SPOCK1: variants seen among roughly 807,000 people sequenced by gnomAD.
SPOCK1 encodes SPARC (osteonectin), cwcv and kazal like domains proteoglycan 1.
SPOCK1 carries 23 observed loss-of-function variants against 55.3 expected under a neutral mutation model. The ratio of observed to expected loss-of-function variants is 0.42; its 90% CI spans 0.30 to 0.59. The LOEUF is 0.59. Ranked by LOEUF, SPOCK1 falls within the 20% of genes least tolerant of loss-of-function variation. The pLI is 0.22. For missense variants in SPOCK1, 499 were observed against 552.5 expected (o/e 0.90, Z 0.97); for synonymous variants, 226 against 221.0 (o/e 1.02, Z -0.20).
chr5:137,333,835 A>G (rs1341236220), intron 2 of SPOCK1, among the ~76,000 whole-genome samples: 1 of 152,168 alleles, frequency 6.6e-6, no homozygotes, highest in Admixed American at 6.5e-5. Flanking sequence ...GAAGTGTGAG[A>G]TTTTTCCAAA....
intron 7 of SPOCK1, among the ~76,000 whole-genome samples, chr5:136,990,418 G>T (rs1750924801): frequency 6.8e-6 from 1 of 147,386 alleles, no homozygotes; most frequent in Admixed American, 6.7e-5. Flanking sequence ...GGAATATAGT[G>T]CTCAATTAAA....
intron 2 of SPOCK1, among the ~76,000 whole-genome samples, chr5:137,484,259 T>C (rs912956425): frequency 6.6e-6 from 1 of 152,210 alleles, no homozygotes; most frequent in East Asian, 1.9e-4. Context: ...GATTCATTAA[T>C]ATCCCCACAA....
intron 2 of SPOCK1, among the ~76,000 whole-genome samples, chr5:137,480,402 A>C (rs1024967483): frequency 1.3e-5 from 2 of 151,988 alleles, no homozygotes; most frequent in African/African-American, 2.4e-5. Flanking sequence ...GCCCCAAGAC[A>C]ATCAGTTCTA....
At chr5:137,234,523 C>T (rs192948518) in intron 3 of SPOCK1, among the ~76,000 whole-genome samples, 3 of 152,288 alleles carry the variant, frequency 2.0e-5, no homozygotes, top group Non-Finnish European at 4.4e-5. Context: ...CAGAGAAGAG[C>T]AGAAAGAAAC....
intron 2 of SPOCK1, among the ~76,000 whole-genome samples, chr5:137,466,015 A>G (rs1753613829): frequency 6.6e-6 from 1 of 152,262 alleles, no homozygotes; most frequent in Non-Finnish European, 1.5e-5. Flanking sequence ...TAAATGAGAT[A>G]AAATGGAACA....
At chr5:137,340,779 G>T (rs540596984) in intron 2 of SPOCK1, among the ~76,000 whole-genome samples, 18 of 152,198 alleles carry the variant, frequency 1.2e-4, no homozygotes, top group African/African-American at 3.9e-4. Flanking sequence ...TACTCAGGGG[G>T]CTGAGCCAGG....
At chr5:137,076,731 G>T (rs866206716) in intron 5 of SPOCK1, among the ~76,000 whole-genome samples, 1 of 151,900 alleles carries the variant, frequency 6.6e-6, no homozygotes, top group Admixed American at 6.5e-5. Flanking sequence ...GTAAGTCAGG[G>T]ACCATCTGTG....
chr5:137,070,843 G>A (rs1752598084), intron 5 of SPOCK1, among the ~76,000 whole-genome samples: 3 of 151,972 alleles, frequency 2.0e-5, no homozygotes, highest in Admixed American at 1.3e-4. Context: ...AGCCCTGGTG[G>A]CCATCTCTGC....
At chr5:136,979,018 C>T (rs1374598002) in intron 10 of SPOCK1, among the ~76,000 whole-genome samples, 174 bp from the exon 11 acceptor site, 42 of 152,120 alleles carry the variant, frequency 2.8e-4, no homozygotes, top group Admixed American at 2.6e-3. Flanking sequence ...ACTTTGTTCT[C>T]GTAAGAGCCC....
At chr5:137,207,016 A>C (rs1411849690) in intron 3 of SPOCK1, among the ~76,000 whole-genome samples, 1 of 152,238 alleles carries the variant, frequency 6.6e-6, no homozygotes, top group African/African-American at 2.4e-5. Context: ...AGAATATGAG[A>C]GTAAGGCATG....
intron 6 of SPOCK1, among the ~76,000 whole-genome samples, chr5:137,051,734 A>G (rs1561591596): frequency 1.3e-5 from 2 of 152,232 alleles, no homozygotes. Context: ...CTAAAAGGGA[A>G]ATCATAAAGG....
At chr5:136,998,363 T>C (rs1751087065) in intron 6 of SPOCK1, among the ~76,000 whole-genome samples, 1 of 152,216 alleles carries the variant, frequency 6.6e-6, no homozygotes, top group African/African-American at 2.4e-5. Context: ...TAAGGTACTA[T>C]GTAGTAGTTG....
chr5:137,212,074 G>A (rs981081), intron 3 of SPOCK1, among the ~76,000 whole-genome samples: 131,351 of 152,218 alleles, frequency 0.86, 56,765 homozygotes, highest in African/African-American at 0.91. Context: ...ACAGATCACA[G>A]CCTGGGGCTT....
Position 137,012,954 on chromosome 5 carries a change from A to G in SPOCK1, c.590-20354T>C, listed in dbSNP as rs542962759. ...TATTATGACATGGAAAATGTTTATG[A>G]TACATTAAGTGAAAAAAAGCAGCTT... On this transcript the variant is annotated intron_variant, in intron 6 of 10. Coordinates refer to ENST00000394945, the MANE Select transcript of SPOCK1 (RefSeq NM_004598.4). Among the ~76,000 whole-genome samples, 3 of 152,336 alleles carry G rather than the reference A, an allele frequency of 2.0e-5. No individual in the cohort carries two copies. In the East Asian group the frequency reaches 5.8e-4, roughly 29 times the overall value.
chr5:137,479,213 G>A (rs951191808), intron 2 of SPOCK1, among the ~76,000 whole-genome samples: 3 of 152,010 alleles, frequency 2.0e-5, no homozygotes, highest in East Asian at 1.9e-4. Flanking sequence ...CGTGACTAAC[G>A]GAACAGAGAA....
chr5:137,207,571 A>G (rs1460750193), intron 3 of SPOCK1, among the ~76,000 whole-genome samples: 1 of 152,132 alleles, frequency 6.6e-6, no homozygotes, highest in African/African-American at 2.4e-5. Flanking sequence ...GAGATGGTAA[A>G]TGGAGACACC....
intron 7 of SPOCK1, among the ~76,000 whole-genome samples, chr5:136,989,012 C>T (rs569385823): frequency 1.8e-4 from 27 of 152,122 alleles, no homozygotes; most frequent in African/African-American, 5.3e-4. Context: ...ACTATGCTTT[C>T]GTATTTCAAA....
intron 2 of SPOCK1, among the ~76,000 whole-genome samples, chr5:137,333,661 G>C (rs1376227206): frequency 6.6e-6 from 1 of 152,246 alleles, no homozygotes; most frequent in African/African-American, 2.4e-5. Flanking sequence ...CAAGTGCTCA[G>C]GCACTGGTAC....
intron 2 of SPOCK1, among the ~76,000 whole-genome samples, chr5:137,415,487 G>A (rs1322156219): frequency 1.3e-5 from 2 of 152,264 alleles, no homozygotes; most frequent in African/African-American, 4.8e-5. Context: ...ATGAGGTCAA[G>A]ATGACAGCCA....
Sources: allele counts gnomAD v4.1 joint callset (sites outside exome capture counted in the v4.1 genomes callset), GRCh38; gene constraint gnomAD v4.1.1; transcripts MANE v1.5; gene names NCBI Gene and HGNC (gene_info 2026-07-23, HGNC 2026-07-21).